Variants in TNIK observed in about 807,000 individuals in gnomAD.
The protein encoded by TNIK is TRAF2 and NCK interacting kinase, also known as TRAF2 and NCK-interacting protein kinase.
Under a neutral mutation model 191.3 loss-of-function variants are expected in TNIK, and 49 were observed. That is an observed-to-expected ratio of 0.26 (90% CI 0.20 to 0.32). TNIK has a LOEUF of 0.32. TNIK is among the 10% of genes least tolerant of loss of function. The pLI, the probability that TNIK is intolerant of heterozygous loss-of-function variation, is 1.00. For synonymous variants in TNIK, 594 were observed against 600.9 expected (o/e 0.99, Z 0.17); for missense variants, 1,155 against 1,702.3 (o/e 0.68, Z 5.66).
intron 10 of TNIK, among the ~76,000 whole-genome samples, chr3:171,163,921 A>G (rs767151922): frequency 2.8e-4 from 42 of 152,278 alleles, no homozygotes; most frequent in Non-Finnish European, 1.3e-4. Flanking sequence ...ATAATGCAAA[A>G]TAGAATTGCT....
chr3:171,145,857 TG>T (rs1731499717), intron 12 of TNIK, among the ~76,000 whole-genome samples: 1 of 150,290 alleles, frequency 6.7e-6, no homozygotes, highest in African/African-American at 2.5e-5. Flanking sequence ...TACACCAGGG[TG>T]TTCTAGCTCT....
At chr3:171,250,510 C>T (rs142206434) in intron 2 of TNIK, among the ~76,000 whole-genome samples, 193 of 152,320 alleles carry the variant, frequency 1.3e-3, no homozygotes, top group African/African-American at 4.3e-3. Context: ...ATATTAGAGA[C>T]ATTCATGTCC....
intron 18 of TNIK, among the ~76,000 whole-genome samples, chr3:171,119,946 T>G (rs1318141987): frequency 6.6e-6 from 1 of 151,982 alleles, no homozygotes; most frequent in Non-Finnish European, 1.5e-5. Context: ...TTAAAGTATA[T>G]AAAAAAAGTG....
At chr3:171,144,672 C>T (rs928881857) in intron 12 of TNIK, among the ~76,000 whole-genome samples, 9 of 152,138 alleles carry the variant, frequency 5.9e-5, no homozygotes, top group Non-Finnish European at 1.3e-4. Context: ...ATATGTAATA[C>T]ATTGTGAATT....
intron 12 of TNIK, among the ~76,000 whole-genome samples, chr3:171,147,618 AAAT>A (rs551876618): frequency 1.8e-4 from 27 of 152,338 alleles, no homozygotes; most frequent in Non-Finnish European, 2.5e-4. Context: ...ATAAAAACAA[AAAT>A]AATAATAACT....
chr3:171,287,080 T>TG (rs1361091965), intron 2 of TNIK, among the ~76,000 whole-genome samples: 1 of 152,208 alleles, frequency 6.6e-6, no homozygotes, highest in African/African-American at 2.4e-5. Context: ...TCCAAGAACA[T>TG]GCTAAGGCAA....
chr3:171,338,793 A>T (rs1757237446), intron 2 of TNIK, among the ~76,000 whole-genome samples: 1 of 151,754 alleles, frequency 6.6e-6, no homozygotes, highest in Admixed American at 6.6e-5. Context: ...ATCAACCACC[A>T]TGCCCGGCCC....
At chr3:171,395,503 A>G (rs1720104073) in intron 1 of TNIK, among the ~76,000 whole-genome samples, 2 of 152,210 alleles carry the variant, frequency 1.3e-5, no homozygotes, top group South Asian at 4.1e-4. Flanking sequence ...ATGTCCCATT[A>G]CATTGCATAG....
chr3:171,085,296 C>T (rs1297791053), intron 24 of TNIK, 67 bp from the exon 25 acceptor site: 8 of 1,435,744 alleles, frequency 5.6e-6, no homozygotes, highest in Non-Finnish European at 6.6e-6. Flanking sequence ...GCTAACAATA[C>T]TGTGCTTGGG....
At chr3:171,447,376 C>A (rs1181682379) in intron 1 of TNIK, among the ~76,000 whole-genome samples, 1 of 151,266 alleles carries the variant, frequency 6.6e-6, no homozygotes, top group African/African-American at 2.4e-5. Context: ...GGAAGAAATA[C>A]CTTGGAAATA....
chr3:171,080,258 CAA>C (rs1208163265), intron 27 of TNIK, among the ~76,000 whole-genome samples: 1 of 152,080 alleles, frequency 6.6e-6, no homozygotes, highest in Non-Finnish European at 1.5e-5. Context: ...AATATTTAGA[CAA>C]TATTGAAGAG....
At chr3:171,264,326 C>A (rs1748109056) in intron 2 of TNIK, among the ~76,000 whole-genome samples, 1 of 148,052 alleles carries the variant, frequency 6.8e-6, no homozygotes, top group Admixed American at 6.7e-5. Context: ...AAATTGTATA[C>A]ACGTATAATA....
intron 3 of TNIK, chr3:171,225,528 C>T (rs1328864313): frequency 2.2e-6 from 1 of 456,278 alleles, no homozygotes; most frequent in South Asian, 1.6e-5. Context: ...TGTAAAATGG[C>T]CTTACCTCTG....
At chr3:171,322,876 T>G (rs1452815641) in intron 2 of TNIK, among the ~76,000 whole-genome samples, 1 of 150,750 alleles carries the variant, frequency 6.6e-6, no homozygotes, top group Non-Finnish European at 1.5e-5. Flanking sequence ...GTTGTGAAAC[T>G]CTGCCAAGTG....
intron 28 of TNIK, among the ~76,000 whole-genome samples, chr3:171,075,323 A>G (rs1719751631): frequency 1.3e-5 from 2 of 152,200 alleles, no homozygotes; most frequent in Admixed American, 6.5e-5. Context: ...GCAGCTCACT[A>G]TTTTCAAAAG....
chr3:171,266,030 C>G (rs1191904834), intron 2 of TNIK, among the ~76,000 whole-genome samples: 2 of 151,564 alleles, frequency 1.3e-5, no homozygotes, highest in Non-Finnish European at 2.9e-5. Context: ...AATCTAGAAT[C>G]AAAAGGTGGC....
chr3:171,418,909 C>G (rs1723410676), intron 1 of TNIK, among the ~76,000 whole-genome samples: 1 of 152,158 alleles, frequency 6.6e-6, no homozygotes, highest in Non-Finnish European at 1.5e-5. Flanking sequence ...CGTGGTCCAG[C>G]TAGAAATCCC....
chr3:171,063,998 C>T (rs1718108659), intron 32 of TNIK, 34 bp from the exon 33 acceptor site: 6 of 1,596,228 alleles, frequency 3.8e-6, no homozygotes. Flanking sequence ...AGTTCAACTG[C>T]ATGGTCTTTT....
chr3:171,269,492 G>C (rs1464786279), intron 2 of TNIK, among the ~76,000 whole-genome samples: 1 of 152,190 alleles, frequency 6.6e-6, no homozygotes, highest in Non-Finnish European at 1.5e-5. Flanking sequence ...GGAGTGTTTA[G>C]TATTTCAGCC....
Sources: allele counts gnomAD v4.1 joint callset (sites outside exome capture counted in the v4.1 genomes callset), GRCh38; gene constraint gnomAD v4.1.1; transcripts MANE v1.5; gene names NCBI Gene and HGNC (gene_info 2026-07-23, HGNC 2026-07-21).